Variants in PURB observed in about 807,000 individuals in gnomAD.
PURB encodes transcriptional regulator protein Pur-beta.
A neutral mutation model predicts 21.1 loss-of-function variants in PURB; 11 were observed. The ratio of observed to expected loss-of-function variants is 0.52; its 90% CI spans 0.33 to 0.86. The LOEUF is 0.86. Ranked by LOEUF, PURB falls within the 40% of genes least tolerant of loss-of-function variation. The pLI is 0.02. For synonymous variants in PURB, 246 were observed against 210.8 expected, an observed-to-expected ratio of 1.17 and a Z score of -1.45; for missense variants, 357 against 456.5, an observed-to-expected ratio of 0.78 and a Z score of 1.99.
chr7:44,876,372 CAA>C lies in PURB; in HGVS notation c.*8036_*8037del, dbSNP rs950039936. 3.1e-4 allele frequency: 48 copies of C among 152,654 alleles called. No individual in the cohort carries two copies. Among genetic ancestry groups the C allele is most frequent in the African/African-American group, 1.1e-3 (46 of 41,532 alleles). The allele number at this position is 152,654 out of a possible 1,614,324, so 9.5% of individuals were successfully genotyped here. On this transcript the variant is annotated 3_prime_UTR_variant, in exon 1 of 1. Coordinates refer to ENST00000395699, the MANE Select transcript of PURB (RefSeq NM_033224.5). Reference sequence around the variant, plus strand: ...AATATAGACTGTAAAACTCCATTTGCAAAAGTCTATTGTAAGGAGTGCACACC... The same window carrying C: ...AATATAGACTGTAAAACTCCATTTGCAAGTCTATTGTAAGGAGTGCACACC...
Position 44,884,321 on chromosome 7 carries a change from C to T in PURB, c.*89G>A. On this transcript the variant is annotated 3_prime_UTR_variant, in exon 1 of 1. Coordinates refer to ENST00000395699, the MANE Select transcript of PURB (RefSeq NM_033224.5). Reference sequence around the variant, plus strand: ...TCTGCGGCCTCCCTTGCTCCCTCTCCACTAGCTCACTGGGGATGAGCAGGA... The same window carrying T: ...TCTGCGGCCTCCCTTGCTCCCTCTCTACTAGCTCACTGGGGATGAGCAGGA... The T allele has an allele frequency of 6.5e-7, 1 of 1,543,976 alleles. No individual in the cohort carries two copies. The highest frequency in any genetic ancestry group is 8.7e-7 in the Non-Finnish European group (1 of 1,151,626).
In PURB at chr7:44,880,780, G is replaced by T. The variant is rs1185659484; in HGVS notation, c.*3630C>A. On this transcript the variant is annotated 3_prime_UTR_variant, in exon 1 of 1. Coordinates refer to ENST00000395699, the MANE Select transcript of PURB (RefSeq NM_033224.5). ...AGGTTAACGGCTGCCTGCACCAAAAGCCTCTCAATCATTTTGCAGTAAATA... is the reference window on the plus strand; with the variant it reads ...AGGTTAACGGCTGCCTGCACCAAAATCCTCTCAATCATTTTGCAGTAAATA... 4 of 152,626 alleles carry T rather than the reference G, an allele frequency of 2.6e-5. No individual in the cohort carries two copies. The highest frequency in any genetic ancestry group is 7.2e-5 in the African/African-American group (3 of 41,458). 9.5% of individuals were successfully genotyped at this position (152,626 alleles called of 1,614,324 possible).
rs1043146690 is a variant in PURB at position 44,881,617 on chromosome 7, T to C, written c.*2793A>G. On this transcript the variant is annotated 3_prime_UTR_variant, in exon 1 of 1. Coordinates refer to ENST00000395699, the MANE Select transcript of PURB (RefSeq NM_033224.5). ...AATATAAATTACTTTTGCCAACACA[T>C]AGCTTATGCATTCTTTGCTCCTTTT... The C allele has an allele frequency of 2.6e-5, 4 of 152,706 alleles. No homozygotes were observed. Among genetic ancestry groups the C allele is most frequent in the Non-Finnish European group, 4.4e-5 (3 of 68,080 alleles). 9.5% of individuals were successfully genotyped at this position (152,706 alleles called of 1,614,324 possible).
rs907547066 is a variant in PURB at position 44,885,372 on chromosome 7, C to A, written c.-24G>T. On this transcript the variant is annotated 5_prime_UTR_variant, in exon 1 of 1. Coordinates refer to ENST00000395699, the MANE Select transcript of PURB (RefSeq NM_033224.5). ...ATCTTCTAGGCCGCCGCCTCGCCGC[C>A]ACCGCCCGCCGCGCTCGCGCCCCCG... is the stretch of plus-strand genomic sequence containing the variant. The A allele has an allele frequency of 1.3e-5, 14 of 1,038,350 alleles. No individual in the cohort carries two copies. The Admixed American group carries it at 5.9e-4, about 44-fold the overall frequency. The allele number at this position is 1,038,350 out of a possible 1,614,324, so 64.3% of individuals were successfully genotyped here. A position where few individuals can be genotyped will look rare whatever the true frequency, so the allele number is the denominator to read the frequency against.
rs1381976645 is a variant in PURB, at chr7:44,882,028, G to C, written c.*2382C>G. 6.5e-6 allele frequency: 1 copy of C among 152,810 alleles called. No individual in the cohort carries two copies. Among genetic ancestry groups the C allele is most frequent in the African/African-American group, 2.4e-5 (1 of 41,438 alleles). 9.5% of individuals were successfully genotyped at this position (152,810 alleles called of 1,614,324 possible). On this transcript the variant is annotated 3_prime_UTR_variant, in exon 1 of 1. Coordinates refer to ENST00000395699, the MANE Select transcript of PURB (RefSeq NM_033224.5). ...ACCACTGAAGCAAGAAAACAAGTTG[G>C]TCTATACAAGAATTGTACATGGTTT...
chr7:44,883,481 C>T lies in PURB; in HGVS notation c.*929G>A, dbSNP rs777402880. On this transcript the variant is annotated 3_prime_UTR_variant, in exon 1 of 1. Coordinates refer to ENST00000395699, the MANE Select transcript of PURB (RefSeq NM_033224.5). ...TACCAAAGCATTTCTTGGTAATGAC[C>T]TCCATATTTAGAGATCAGGGGAACA... 1 of 152,578 alleles carries T rather than the reference C, an allele frequency of 6.6e-6. No homozygotes were observed. Among genetic ancestry groups the T allele is most frequent in the Admixed American group, 6.5e-5 (1 of 15,274 alleles). 9.5% of individuals were successfully genotyped at this position (152,578 alleles called of 1,614,324 possible). A position where few individuals can be genotyped will look rare whatever the true frequency, so the allele number is the denominator to read the frequency against.
rs1446501474 is a variant in PURB at position 44,884,138 on chromosome 7, C to CA, written c.*271dup. On this transcript the variant is annotated 3_prime_UTR_variant, in exon 1 of 1. Transcript: ENST00000395699. The stretch of plus-strand genomic sequence containing the variant: ...GGGTTTACGAACCTCAGTTGAGAAA[C>CA]AACAGAAGCTGAGACAATTTTACGC... The CA allele has an allele frequency of 1.5e-6, 1 of 674,366 alleles. No homozygotes were observed. Among genetic ancestry groups the CA allele is most frequent in the Non-Finnish European group, 2.3e-6 (1 of 427,458 alleles). The allele number at this position is 674,366 out of a possible 1,614,324, so 41.8% of individuals were successfully genotyped here.
In PURB at chr7:44,884,286, GT is replaced by G. The variant is rs942115944; in HGVS notation, c.*123del. On this transcript the variant is annotated 3_prime_UTR_variant, in exon 1 of 1. Coordinates refer to ENST00000395699, the MANE Select transcript of PURB (RefSeq NM_033224.5). ...ATTTCTCTTAACTGTGTTACGTTTT[GT>G]TTTTTCCCTCTGCGGCCTCCCTTGC... is the stretch of plus-strand genomic sequence containing the variant. The G allele has an allele frequency of 1.7e-4, 256 of 1,486,778 alleles. No individual in the cohort carries two copies. Among genetic ancestry groups the G allele is most frequent in the Admixed American group, 3.9e-4 (16 of 41,452 alleles). The allele number at this position is 1,486,778 out of a possible 1,614,324, so 92.1% of individuals were successfully genotyped here.
chr7:44,885,425 C>T lies in PURB; in HGVS notation c.-77G>A, dbSNP rs1010937405. 6 of 449,584 alleles carry T rather than the reference C, an allele frequency of 1.3e-5. No homozygotes were observed. Among genetic ancestry groups the T allele is most frequent in the Non-Finnish European group, 1.5e-5 (5 of 340,190 alleles). The allele number at this position is 449,584 out of a possible 1,614,324, so 27.8% of individuals were successfully genotyped here. ...CTCCGGCTCGCGCTCCGGGGCCCCC[C>T]AGCCTCGCCCGCCCGGCTCGCTCAC... On this transcript the variant is annotated 5_prime_UTR_variant, in exon 1 of 1. Transcript: ENST00000395699.
chr7:44,885,108 C>T lies in PURB; in HGVS notation c.241G>A (p.Ala81Thr), dbSNP rs1179800071. Residue 81 changes from alanine (A) to threonine (T), a missense_variant, in exon 1 of 1, where the codon GCC (alanine) becomes ACC (threonine). Ala to Thr is a moderately conservative substitution (Grantham distance 58). Transcript: ENST00000395699. ...SRLTLSMAVA[A>T]EFRDSLGDFI... ...TCGCCCAGCGAGTCGCGGAACTCGG[C>T]GGCCACCGCCATGGACAGCGTGAGG... is the stretch of plus-strand genomic sequence containing the variant. 4 of 1,573,510 alleles carry T rather than the reference C, an allele frequency of 2.5e-6. No homozygotes were observed. The highest frequency in any genetic ancestry group is 2.8e-5 in the African/African-American group (2 of 70,846).
chr7:44,884,874 C>A lies in PURB; in HGVS notation c.475G>T (p.Ala159Ser). Residue 159 changes from alanine (A) to serine (S), a missense_variant, in exon 1 of 1, where the codon GCG becomes TCG. By Grantham distance (99) the Ala-to-Ser change is moderately conservative (BLOSUM62 1). Coordinates refer to ENST00000395699, the MANE Select transcript of PURB (RefSeq NM_033224.5). The part of the protein sequence containing the change: ...TVNRGGGGFG[A>S]GPGPGGLQSG... ...TGCAAGCCGCCCGGCCCGGGGCCCG[C>A]GCCGAAGCCGCCACCGCCGCGGTTG... 1 of 1,556,682 alleles carries A rather than the reference C, an allele frequency of 6.4e-7. No homozygotes were observed. Among genetic ancestry groups the A allele is most frequent in the Non-Finnish European group, 8.7e-7 (1 of 1,153,596 alleles).
rs1412490788 is a variant in PURB, at chr7:44,884,980, G to A, written c.369C>T (p.Phe123=). ...AGTACTTGCGGTTCTCACGCACCAA[G>A]AATTCGCTCTTGAGCGCGCGCCGCG... The part of the protein sequence containing the change: ...GGPRRALKSE[F]LVRENRKYYL... The change falls in exon 1 of 1, where the codon TTC becomes TTT. Residue 123 remains phenylalanine, a synonymous_variant. Coordinates refer to ENST00000395699, the MANE Select transcript of PURB (RefSeq NM_033224.5). 4 of 1,564,234 alleles carry A rather than the reference G, an allele frequency of 2.6e-6. No individual in the cohort carries two copies. The highest frequency in any genetic ancestry group is 1.7e-4 in the Middle Eastern group (1 of 5,976).
rs1470426521 is a variant in PURB, at chr7:44,876,666, G to C, written c.*7744C>G. ...TTCTGAATGGGTACTGCACTTCACA[G>C]ATTTGTTTGAATTGCCCATGCAGCT... is the stretch of plus-strand genomic sequence containing the variant. On this transcript the variant is annotated 3_prime_UTR_variant, in exon 1 of 1. Coordinates refer to ENST00000395699, the MANE Select transcript of PURB (RefSeq NM_033224.5). 1 of 152,660 alleles carries C rather than the reference G, an allele frequency of 6.6e-6. No individual in the cohort carries two copies. The highest frequency in any genetic ancestry group is 1.5e-5 in the Non-Finnish European group (1 of 68,044). The allele number at this position is 152,660 out of a possible 1,614,324, so 9.5% of individuals were successfully genotyped here.
chr7:44,884,108 C>T lies in PURB; in HGVS notation c.*302G>A, dbSNP rs540444118. On this transcript the variant is annotated 3_prime_UTR_variant, in exon 1 of 1. Transcript: ENST00000395699. Reference sequence around the variant, plus strand: ...GGATCTATTCCCTCCAGGGATTATCCTGATGGGTTTACGAACCTCAGTTGA... The same window carrying T: ...GGATCTATTCCCTCCAGGGATTATCTTGATGGGTTTACGAACCTCAGTTGA... 20 of 511,644 alleles carry T rather than the reference C, an allele frequency of 3.9e-5. No individual in the cohort carries two copies. The highest frequency in any genetic ancestry group is 6.4e-5 in the Non-Finnish European group (19 of 295,774). The allele number at this position is 511,644 out of a possible 1,614,324, so 31.7% of individuals were successfully genotyped here.
rs1247354332 is a variant in PURB at position 44,878,207 on chromosome 7, C to T, written c.*6203G>A. On this transcript the variant is annotated 3_prime_UTR_variant, in exon 1 of 1. Transcript: ENST00000395699. ...GGTAAGGGGGAAAAAAGGACAAACT[C>T]ATGCCTTCTGCAATATCCATCCTAG... 1 of 152,218 alleles carries T rather than the reference C, an allele frequency of 6.6e-6. No homozygotes were observed. Among genetic ancestry groups the T allele is most frequent in the Non-Finnish European group, 1.5e-5 (1 of 68,044 alleles). The allele number at this position is 152,218 out of a possible 1,614,324, so 9.4% of individuals were successfully genotyped here.
In PURB at chr7:44,877,260, C is replaced by CA. The variant is rs1793813950; in HGVS notation, c.*7149_*7150insT. On this transcript the variant is annotated 3_prime_UTR_variant, in exon 1 of 1. Transcript: ENST00000395699. ...AAGACAAATGAATTTTAAAAATGAT[C>CA]TTGGAAAAACATCTGGATGGAGGCC... 1 of 152,206 alleles carries CA rather than the reference C, an allele frequency of 6.6e-6. No individual in the cohort carries two copies. The highest frequency in any genetic ancestry group is 1.5e-5 in the Non-Finnish European group (1 of 68,024). 9.4% of individuals were successfully genotyped at this position (152,206 alleles called of 1,614,324 possible).
chr7:44,883,597 G>A lies in PURB; in HGVS notation c.*813C>T, dbSNP rs1793911279. On this transcript the variant is annotated 3_prime_UTR_variant, in exon 1 of 1. Coordinates refer to ENST00000395699, the MANE Select transcript of PURB (RefSeq NM_033224.5). The stretch of plus-strand genomic sequence containing the variant: ...TGTGCCTACCTCAGCAACCCCCAAT[G>A]TAAAACTGCTTTTATCTTTGAAAAT... 6.6e-6 allele frequency: 1 copy of A among 152,574 alleles called. No homozygotes were observed. Among genetic ancestry groups the A allele is most frequent in the Non-Finnish European group, 1.5e-5 (1 of 68,014 alleles). 9.5% of individuals were successfully genotyped at this position (152,574 alleles called of 1,614,324 possible).
Position 44,884,992 on chromosome 7 carries a change from G to A in PURB, c.357C>T (p.Leu119=), listed in dbSNP as rs906814486. 20 of 1,550,458 alleles carry A rather than the reference G, an allele frequency of 1.3e-5. No homozygotes were observed. Among genetic ancestry groups the A allele is most frequent in the Non-Finnish European group, 1.3e-5 (15 of 1,150,678 alleles). ...TCTCACGCACCAAGAATTCGCTCTT[G>A]AGCGCGCGCCGCGGCCCGCCGCCCT... is the stretch of plus-strand genomic sequence containing the variant. ...AEEGGGPRRA[L]KSEFLVRENR... Residue 119 remains leucine, a synonymous_variant, in exon 1 of 1, where the codon CTC becomes CTT. Coordinates refer to ENST00000395699, the MANE Select transcript of PURB (RefSeq NM_033224.5).
Position 44,883,766 on chromosome 7 carries a change from A to G in PURB, c.*644T>C, listed in dbSNP as rs887753579. ...TCCATGCAAAACCATTTTTTTAAAA[A>G]AATGGATCCAATTTGGTTCTGTATT... On this transcript the variant is annotated 3_prime_UTR_variant, in exon 1 of 1. Transcript: ENST00000395699. The G allele has an allele frequency of 6.6e-6, 1 of 152,232 alleles. No homozygotes were observed. Among genetic ancestry groups the G allele is most frequent in the South Asian group, 2.1e-4 (1 of 4,836 alleles). 9.4% of individuals were successfully genotyped at this position (152,232 alleles called of 1,614,324 possible). A position where few individuals can be genotyped will look rare whatever the true frequency, so the allele number is the denominator to read the frequency against.
Sources: allele counts gnomAD v4.1 joint callset, GRCh38; gene constraint gnomAD v4.1.1; transcripts MANE v1.5; gene names NCBI Gene and HGNC (gene_info 2026-07-23, HGNC 2026-07-21).